PKNOX2: variants seen among roughly 807,000 people sequenced by gnomAD.
The protein encoded by PKNOX2 is PBX/knotted 1 homeobox 2.
PKNOX2 carries 14 observed loss-of-function variants against 53.1 expected under a neutral mutation model. The ratio of observed to expected loss-of-function variants is 0.26; its 90% CI spans 0.17 to 0.41. The LOEUF (loss-of-function observed/expected upper bound fraction) is 0.41, where lower values mean the gene tolerates loss of function less well. Among genes scored for constraint, PKNOX2 ranks in the 10% least tolerant of loss-of-function variants. The pLI, the probability that PKNOX2 is intolerant of heterozygous loss-of-function variation, is 1.00. For synonymous variants in PKNOX2, 257 were observed against 242.8 expected (o/e 1.06, Z -0.54); for missense variants, 496 against 602.8 (o/e 0.82, Z 1.85).
Position 125,349,837 on chromosome 11 carries a change from TCACACA to T in PKNOX2, c.-22-1412_-22-1407del, listed in dbSNP as rs60332384. Reference sequence around the variant, plus strand: ...ACTTCCTGAAAAAGAACCAAAAGAATCACACACACACACACACACACACACACACAC... The same window carrying T: ...ACTTCCTGAAAAAGAACCAAAAGAATCACACACACACACACACACACACAC... On this transcript the variant is annotated intron_variant, in intron 3 of 12. Transcript: ENST00000298282. Among the ~76,000 whole-genome samples, 403 of 138,118 alleles carry T rather than the reference TCACACA, an allele frequency of 2.9e-3. 6 individuals carry two copies. The highest frequency in any genetic ancestry group is 7.5e-3 in the African/African-American group (274 of 36,612). 90.6% of individuals were successfully genotyped at this position (138,118 alleles called of 152,430 possible). A position where few individuals can be genotyped will look rare whatever the true frequency, so the allele number is the denominator to read the frequency against.
In PKNOX2 at chr11:125,383,947, AC is replaced by A. The variant is rs1444131423; in HGVS notation, c.228-1603del. Among the ~76,000 whole-genome samples the A allele has an allele frequency of 7.2e-5, 11 of 152,196 alleles. No homozygotes were observed. In the South Asian group the frequency reaches 8.3e-4, roughly 11 times the overall value. ...GGGACTACATCAAAAAACAAAAAAA[AC>A]AAAACAAAACAAAACAAAAACCTAC... On this transcript the variant is annotated intron_variant, in intron 5 of 12. Transcript: ENST00000298282.
At chr11:125,416,770 G>T (rs77306306) in intron 10 of PKNOX2, among the ~76,000 whole-genome samples, 7,080 of 152,030 alleles carry the variant, frequency 0.047, 621 homozygotes, top group African/African-American at 0.16. Context: ...TGCTAAATAG[G>T]GATTGGTTGT....
At chr11:125,322,872 T>C (rs928924829) in intron 2 of PKNOX2, among the ~76,000 whole-genome samples, 5 of 152,232 alleles carry the variant, frequency 3.3e-5, no homozygotes, top group Non-Finnish European at 7.3e-5. Context: ...ATACCAGAAC[T>C]ACCAACCTCA....
chr11:125,287,506 C>A (rs189457231), intron 2 of PKNOX2, among the ~76,000 whole-genome samples: 1 of 152,132 alleles, frequency 6.6e-6, no homozygotes, highest in African/African-American at 2.4e-5. Flanking sequence ...TCCCATGTGG[C>A]GGGGAGGAAG....
intron 1 of PKNOX2, among the ~76,000 whole-genome samples, chr11:125,178,672 AAGAAAGAG>A (rs756327595): frequency 7.0e-5 from 8 of 114,976 alleles, no homozygotes; most frequent in East Asian, 5.5e-4. Flanking sequence ...GAAGGAAGGA[AAGAAAGAG>A]AGAGAGAGAG....
At position 125,165,642 on chromosome 11, in the gene PKNOX2, C is replaced by T. The variant is rs1215414422; in HGVS notation, c.-201+866C>T. Among the ~76,000 whole-genome samples, 1 of 152,166 alleles carries T rather than the reference C, an allele frequency of 6.6e-6. No individual in the cohort carries two copies. ...GGAAGCCAGGATCCGAGGGGCTACACGCACGGACCCTCACCCAGGGAGGAG... is the reference window on the plus strand; with the variant it reads ...GGAAGCCAGGATCCGAGGGGCTACATGCACGGACCCTCACCCAGGGAGGAG... On this transcript the variant is annotated intron_variant, in intron 1 of 12. Coordinates refer to ENST00000298282, the MANE Select transcript of PKNOX2 (RefSeq NM_001382323.2). This position sits in a 1 kb window ranked among gnomAD's most constrained non-coding sequence, Gnocchi z 4.5.
Position 125,367,872 on chromosome 11 carries a change from C to T in PKNOX2, c.114C>T (p.Ser38=). The change falls in exon 5 of 13, where the codon TCC becomes TCT. Residue 38 remains serine (S), a synonymous_variant. Transcript: ENST00000298282. Reference sequence around the variant, plus strand: ...TGACGGCAACCGCCCAGCCACCCTCCAAGGCCCAGGCTGTCCACATCTCTG... The same window carrying T: ...TGACGGCAACCGCCCAGCCACCCTCTAAGGCCCAGGCTGTCCACATCTCTG... ...PQMTATAQPP[S]KAQAVHISAP... is the part of the protein sequence containing the mutation. 5.0e-6 allele frequency: 8 copies of T among 1,613,186 alleles called. No homozygotes were observed. The highest frequency in any genetic ancestry group is 6.8e-6 in the Non-Finnish European group (8 of 1,179,780).
At chr11:125,350,415 A>G (rs1951230876) in intron 3 of PKNOX2, among the ~76,000 whole-genome samples, 2 of 151,994 alleles carry the variant, frequency 1.3e-5, no homozygotes, top group Admixed American at 6.6e-5. Context: ...AGCTTCACTA[A>G]CAAGTCCCCC....
chr11:125,364,855 G>A (rs770864832), intron 4 of PKNOX2, among the ~76,000 whole-genome samples: 3 of 152,034 alleles, frequency 2.0e-5, no homozygotes, highest in African/African-American at 4.8e-5. Context: ...AGTTGGAGGG[G>A]CTTCAGATAT....
chr11:125,359,681 C>T (rs1397452696), intron 4 of PKNOX2, among the ~76,000 whole-genome samples: 2 of 152,216 alleles, frequency 1.3e-5, no homozygotes, highest in Non-Finnish European at 2.9e-5. Context: ...CCATACCTGG[C>T]TTGCCCCAAA....
At chr11:125,214,600 T>C (rs529169297) in intron 1 of PKNOX2, among the ~76,000 whole-genome samples, 7 of 152,206 alleles carry the variant, frequency 4.6e-5, no homozygotes, top group African/African-American at 1.7e-4. Flanking sequence ...AGTTGAGCCA[T>C]ACCCTGGGCC....
chr11:125,265,576 G>A (rs1379960837), intron 2 of PKNOX2, among the ~76,000 whole-genome samples: 1 of 152,136 alleles, frequency 6.6e-6, no homozygotes, highest in Admixed American at 6.5e-5. Flanking sequence ...CACCCTGCTG[G>A]CTGCTCAGTT....
At chr11:125,175,375 C>G (rs967479561) in intron 1 of PKNOX2, among the ~76,000 whole-genome samples, 4 of 152,206 alleles carry the variant, frequency 2.6e-5, no homozygotes, top group Non-Finnish European at 5.9e-5. Flanking sequence ...TCTGGTGGCC[C>G]TGACCTGGCC....
At chr11:125,274,094 T>TATTTATTTAGCAC (rs1302945040) in intron 2 of PKNOX2, among the ~76,000 whole-genome samples, 5 of 152,224 alleles carry the variant, frequency 3.3e-5, no homozygotes, top group Non-Finnish European at 7.3e-5. Context: ...GTGTATTCTG[T>TATTTATTTAGCAC]GCCTAAAGCT....
At chr11:125,338,637 C>G (rs76159918) in intron 3 of PKNOX2, among the ~76,000 whole-genome samples, 216 of 152,308 alleles carry the variant, frequency 1.4e-3, no homozygotes, top group African/African-American at 5.1e-3. Flanking sequence ...TTTCCCTGGA[C>G]AGGCTTGACC....
chr11:125,280,743 G>C (rs530408236), intron 2 of PKNOX2, among the ~76,000 whole-genome samples: 6 of 152,136 alleles, frequency 3.9e-5, no homozygotes, highest in Middle Eastern at 3.2e-3. Context: ...GAAAGAGGCT[G>C]TAGTTTCCTA....
intron 1 of PKNOX2, among the ~76,000 whole-genome samples, chr11:125,198,623 G>A (rs1203487031): frequency 3.3e-5 from 5 of 152,080 alleles, no homozygotes; most frequent in Non-Finnish European, 5.9e-5. Flanking sequence ...ACACTTCCTC[G>A]AGTTTCCGAC....
chr11:125,248,537 C>T (rs943801128), intron 2 of PKNOX2, among the ~76,000 whole-genome samples: 1 of 151,614 alleles, frequency 6.6e-6, no homozygotes, highest in African/African-American at 2.4e-5. Context: ...TTATAAGACA[C>T]ATCATATACT....
intron 1 of PKNOX2, among the ~76,000 whole-genome samples, chr11:125,199,787 C>T (rs760789918): frequency 2.0e-5 from 3 of 152,208 alleles, no homozygotes; most frequent in African/African-American, 4.8e-5. Context: ...GTGGAGGTTG[C>T]GGTGAGCCGA....
Sources: gnomAD v4.1 joint callset for allele counts (sites outside exome capture counted in the v4.1 genomes callset) on GRCh38, gnomAD v4.1.1 for gene constraint, Gnocchi (gnomAD v3.1) non-coding constraint, MANE v1.5 for transcripts, NCBI Gene and HGNC (gene_info 2026-07-23, HGNC 2026-07-21) for gene names.